Variants in EIF2A observed in about 807,000 individuals in gnomAD.
The protein encoded by EIF2A is eukaryotic translation initiation factor 2A.
Under a neutral mutation model 75.2 loss-of-function variants are expected in EIF2A, and 62 were observed. The observed-to-expected ratio is 0.82, with a 90% CI of 0.67 to 1.02. EIF2A has a LOEUF of 1.02. EIF2A is among the 50% of genes least tolerant of loss of function. The pLI is 0.00. For missense variants in EIF2A, 611 were observed against 677.7 expected (o/e 0.90, Z 1.09); for synonymous variants, 207 against 239.0 (o/e 0.87, Z 1.23).
chr3:150,560,947 T>C (rs1398812876), intron 3 of EIF2A, among the ~76,000 whole-genome samples: 1 of 152,110 alleles, frequency 6.6e-6, no homozygotes, highest in East Asian at 1.9e-4. Context: ...CATAAAGTGG[T>C]TAGGTACATA....
intron 9 of EIF2A, 94 bp from the exon 10 acceptor site, chr3:150,571,864 G>T: frequency 9.0e-7 from 1 of 1,112,022 alleles, no homozygotes; most frequent in Non-Finnish European, 1.3e-6. Context: ...TTATCTGTTT[G>T]ATGTGTTTGT....
At position 150,567,694 on chromosome 3, in the gene EIF2A, C is replaced by A; in HGVS notation, c.477C>A (p.Asn159Lys). The A allele has an allele frequency of 2.0e-6, 3 of 1,529,690 alleles. No homozygotes were observed. The highest frequency in any genetic ancestry group is 2.6e-6 in the Non-Finnish European group (3 of 1,132,088). The allele number at this position is 1,529,690 out of a possible 1,614,324, so 94.8% of individuals were successfully genotyped here. Residue 159 changes from asparagine (N) to lysine (K), a missense_variant and splice_region_variant, in exon 7 of 14, where the codon AAC becomes AAA. Physicochemically the swap from Asn to Lys is moderately conservative, Grantham distance 94. Coordinates refer to ENST00000460851, the MANE Select transcript of EIF2A (RefSeq NM_032025.5). ...GATTTAATTTACTCTTTTTTTTAGACACAATTGCAAATAAATTGCATTTGC... is the reference window on the plus strand; with the variant it reads ...GATTTAATTTACTCTTTTTTTTAGAAACAATTGCAAATAAATTGCATTTGC... ...EVHFFENNNF[N>K]TIANKLHLQK...
intron 11 of EIF2A, 121 bp downstream of exon 11, chr3:150,575,883 G>A (rs950254874): frequency 2.5e-6 from 2 of 789,944 alleles, no homozygotes; most frequent in African/African-American, 1.8e-5. Context: ...GAGGTTAGAA[G>A]TTCAAGACCA....
In EIF2A at chr3:150,558,412, C is replaced by G; in HGVS notation, c.123C>G (p.Val41=). The G allele has an allele frequency of 6.6e-7, 1 of 1,524,842 alleles. No individual in the cohort carries two copies. Among genetic ancestry groups the G allele is most frequent in the Non-Finnish European group, 8.7e-7 (1 of 1,144,566 alleles). 94.5% of individuals were successfully genotyped at this position (1,524,842 alleles called of 1,614,324 possible). The change falls in exon 3 of 14, where the codon GTC becomes GTG. Residue 41 remains valine, a synonymous_variant. Transcript: ENST00000460851. ...GGGAATCTGGGAAGAATTGCAAAGT[C>G]TGTATCTTTAGTAAGGATGGGACCT... ...FPRESGKNCK[V]CIFSKDGTLF...
intron 11 of EIF2A, among the ~76,000 whole-genome samples, chr3:150,580,009 G>A (rs1725086620): frequency 6.6e-6 from 1 of 152,034 alleles, no homozygotes; most frequent in South Asian, 2.1e-4. Context: ...AATTATAAAG[G>A]AAGAGTCATT....
At chr3:150,556,447 T>C (rs1723575666) in intron 2 of EIF2A, among the ~76,000 whole-genome samples, 1 of 152,214 alleles carries the variant, frequency 6.6e-6, no homozygotes, top group South Asian at 2.1e-4. Context: ...TATTGGGTAT[T>C]AAATGATATT....
chr3:150,582,443 T>G lies in EIF2A; in HGVS notation c.1626+697T>G, dbSNP rs963682315. 3.3e-5 allele frequency among the ~76,000 whole-genome samples: 5 copies of G among 151,790 alleles called. No homozygotes were observed. In the East Asian group the frequency reaches 9.7e-4, roughly 30 times the overall value. Reference sequence around the variant, plus strand: ...CATTCTCCTGCCTCAGCCTCCCGAGTAGCTGGGACTACAGGCGCCTGCCAC... The same window carrying G: ...CATTCTCCTGCCTCAGCCTCCCGAGGAGCTGGGACTACAGGCGCCTGCCAC... On this transcript the variant is annotated intron_variant, in intron 12 of 13. Transcript: ENST00000460851.
At position 150,581,662 on chromosome 3, in the gene EIF2A, C is replaced by T. The variant is rs201338746; in HGVS notation, c.1542C>T (p.Ala514=). The part of the protein sequence containing the change: ...DKSPDLAPTP[A]PQSTPRNTVS... Reference sequence around the variant, plus strand: ...GTCCAGATTTGGCACCTACTCCTGCCCCACAGAGCACACCACGAAACACTG... The same window carrying T: ...GTCCAGATTTGGCACCTACTCCTGCTCCACAGAGCACACCACGAAACACTG... Residue 514 remains alanine (A), a synonymous_variant, in exon 12 of 14, where the codon GCC becomes GCT. Transcript: ENST00000460851. 8.4e-6 allele frequency: 13 copies of T among 1,551,980 alleles called. No homozygotes were observed. The Admixed American group carries it at 2.5e-4, about 30-fold the overall frequency.
intron 1 of EIF2A, among the ~76,000 whole-genome samples, chr3:150,548,882 A>G (rs1443508727): frequency 1.3e-5 from 2 of 152,196 alleles, no homozygotes; most frequent in Non-Finnish European, 2.9e-5. Flanking sequence ...TTAGGATTAT[A>G]CTTATTCAGA....
intron 2 of EIF2A, among the ~76,000 whole-genome samples, chr3:150,556,640 A>G (rs1227331739): frequency 6.6e-6 from 1 of 152,134 alleles, no homozygotes; most frequent in Non-Finnish European, 1.5e-5. Context: ...CTCTGAGTTA[A>G]TAGTTACTTA....
intron 10 of EIF2A, among the ~76,000 whole-genome samples, chr3:150,573,554 G>T (rs1304589068): frequency 6.6e-6 from 1 of 152,076 alleles, no homozygotes; most frequent in South Asian, 2.1e-4. Context: ...ACCCGGCCAG[G>T]ATTTTTTTGT....
chr3:150,565,066 T>C (rs919347117), intron 6 of EIF2A: 1 of 397,250 alleles, frequency 2.5e-6, no homozygotes, highest in African/African-American at 2.1e-5. Flanking sequence ...TGTTATTTTA[T>C]TCTTCATAAT....
chr3:150,552,109 C>A (rs2107902045), intron 1 of EIF2A, among the ~76,000 whole-genome samples: 1 of 152,266 alleles, frequency 6.6e-6, no homozygotes, highest in South Asian at 2.1e-4. Flanking sequence ...AAGACAGCTG[C>A]CTTTCTTTCA....
chr3:150,565,079 AT>A (rs2107929608), intron 6 of EIF2A: 1 of 412,992 alleles, frequency 2.4e-6, no homozygotes, highest in South Asian at 1.8e-5. Context: ...TTCATAATTT[AT>A]TGTTTAAGAA....
intron 2 of EIF2A, among the ~76,000 whole-genome samples, chr3:150,553,890 A>T (rs1416245489): frequency 1.3e-5 from 2 of 152,292 alleles, no homozygotes; most frequent in Admixed American, 1.3e-4. Context: ...TGCATTTCCT[A>T]GTTCTGGCCA....
intron 4 of EIF2A, 135 bp from the exon 5 acceptor site, chr3:150,563,375 ATTTAT>A: frequency 1.7e-6 from 1 of 602,016 alleles, no homozygotes; most frequent in Non-Finnish European, 2.8e-6. Context: ...TTATTTATTT[ATTTAT>A]TTTGGTAACA....
At chr3:150,573,771 AAGG>A (rs1392610564) in intron 10 of EIF2A, among the ~76,000 whole-genome samples, 2 of 152,166 alleles carry the variant, frequency 1.3e-5, no homozygotes, top group African/African-American at 2.4e-5. Context: ...TAACTTCACA[AAGG>A]AGGAGAGTTA....
chr3:150,547,690 C>T (rs77123835), intron 1 of EIF2A, among the ~76,000 whole-genome samples: 2,209 of 152,256 alleles, frequency 0.015, 54 homozygotes, highest in African/African-American at 0.051. Flanking sequence ...TCCCTTCCCC[C>T]CCGCGAAAGG....
chr3:150,552,934 GGAGA>G (rs1466832804), intron 2 of EIF2A: 2 of 152,598 alleles, frequency 1.3e-5, no homozygotes, highest in African/African-American at 4.8e-5. Context: ...AGAATGCGGG[GGAGA>G]GAGTTACAGG....
Sources: allele counts gnomAD v4.1 joint callset (sites outside exome capture counted in the v4.1 genomes callset), GRCh38; gene constraint gnomAD v4.1.1; transcripts MANE v1.5; gene names NCBI Gene and HGNC (gene_info 2026-07-23, HGNC 2026-07-21).